Variants in POU6F2 observed in about 807,000 individuals in gnomAD.
The protein encoded by POU6F2 is POU domain, class 6, transcription factor 2.
A neutral mutation model predicts 71.3 loss-of-function variants in POU6F2; 31 were observed. That is an observed-to-expected ratio of 0.43 (90% CI 0.33 to 0.59). The LOEUF is 0.59. POU6F2 is among the 20% of genes least tolerant of loss of function. The pLI, the probability that POU6F2 is intolerant of heterozygous loss-of-function variation, is 0.04. For missense variants in POU6F2, 783 were observed against 856.8 expected, an observed-to-expected ratio of 0.91 and a Z score of 1.07; for synonymous variants, 347 against 355.7, an observed-to-expected ratio of 0.98 and a Z score of 0.27.
At chr7:39,134,943 A>G (rs113444394) in intron 2 of POU6F2, among the ~76,000 whole-genome samples, 2,159 of 152,358 alleles carry the variant, frequency 0.014, 54 homozygotes, top group African/African-American at 0.048. Context: ...AAGAAGAATG[A>G]ATAAAAATAA....
At chr7:39,061,364 T>C (rs1166077578) in intron 1 of POU6F2, among the ~76,000 whole-genome samples, 1 of 152,210 alleles carries the variant, frequency 6.6e-6, no homozygotes, top group African/African-American at 2.4e-5. Flanking sequence ...TAGTCTTTGA[T>C]ACAGTATCAA....
intron 5 of POU6F2, among the ~76,000 whole-genome samples, chr7:39,390,049 G>A (rs1359142798): frequency 6.6e-6 from 1 of 152,084 alleles, no homozygotes; most frequent in Non-Finnish European, 1.5e-5. Context: ...GCTACATCAG[G>A]TAGGTAGTGA....
chr7:39,036,300 C>T (rs1790062119), intron 1 of POU6F2, among the ~76,000 whole-genome samples: 1 of 152,048 alleles, frequency 6.6e-6, no homozygotes, highest in South Asian at 2.1e-4. Context: ...TTGTAACAGT[C>T]CCCAAACAAC....
chr7:39,138,880 A>G (rs1322890467), intron 2 of POU6F2, among the ~76,000 whole-genome samples: 1 of 152,152 alleles, frequency 6.6e-6, no homozygotes, highest in Admixed American at 6.5e-5. Flanking sequence ...TCATGGAGTC[A>G]TAATTTGACT....
intron 1 of POU6F2, among the ~76,000 whole-genome samples, chr7:39,014,996 T>C (rs1789433633): frequency 6.6e-6 from 1 of 152,094 alleles, no homozygotes; most frequent in African/African-American, 2.4e-5. Context: ...CCATAAATGA[T>C]CGTCTTCCTC....
chr7:39,036,985 A>G (rs1171227078), intron 1 of POU6F2, among the ~76,000 whole-genome samples: 1 of 151,932 alleles, frequency 6.6e-6, no homozygotes, highest in East Asian at 1.9e-4. Flanking sequence ...TTGTATACAG[A>G]CTATTTCATC....
At chr7:39,014,588 T>C (rs1332265965) in intron 1 of POU6F2, among the ~76,000 whole-genome samples, 1 of 152,234 alleles carries the variant, frequency 6.6e-6, no homozygotes, top group Non-Finnish European at 1.5e-5. Context: ...TTGTGAAATA[T>C]GTGTGGAATC....
At chr7:39,420,216 G>A (rs1049777139) in intron 6 of POU6F2, among the ~76,000 whole-genome samples, 4 of 152,178 alleles carry the variant, frequency 2.6e-5, no homozygotes, top group African/African-American at 9.7e-5. Flanking sequence ...CTTTATATGA[G>A]GATCTTCTCA....
intron 7 of POU6F2, among the ~76,000 whole-genome samples, chr7:39,441,609 T>C (rs972333451): frequency 4.6e-5 from 7 of 152,204 alleles, no homozygotes; most frequent in African/African-American, 1.7e-4. Flanking sequence ...AGCATCCAAG[T>C]ATTTCAAAAA....
rs1163344813 is a variant in POU6F2 at position 39,015,838 on chromosome 7, ATATAT to A, written c.105+37786_105+37790del. ...GGTATATATTATATATAGATATATAATATATTATATATAGATATATATAATATATT... is the reference window on the plus strand; with the variant it reads ...GGTATATATTATATATAGATATATAATATATATAGATATATATAATATATT... On this transcript the variant is annotated intron_variant, in intron 1 of 9. Coordinates refer to ENST00000518318, the MANE Select transcript of POU6F2 (RefSeq NM_001370959.1). Among the ~76,000 whole-genome samples, 88 of 36,340 alleles carry A rather than the reference ATATAT, an allele frequency of 2.4e-3. 7 individuals carry two copies. The highest frequency in any genetic ancestry group is 3.5e-3 in the African/African-American group (44 of 12,680). The allele number at this position is 36,340 out of a possible 152,430, so 23.8% of individuals were successfully genotyped here.
chr7:39,274,801 A>G, intron 4 of POU6F2, among the ~76,000 whole-genome samples: 2 of 141,666 alleles, frequency 1.4e-5, no homozygotes, highest in Non-Finnish European at 3.1e-5. Flanking sequence ...GACAAAAACC[A>G]CATGATTATC....
intron 4 of POU6F2, among the ~76,000 whole-genome samples, chr7:39,251,722 C>A (rs561307945): frequency 6.6e-6 from 1 of 152,304 alleles, no homozygotes; most frequent in South Asian, 2.1e-4. Context: ...CTGTAGCATC[C>A]TGGGAGATGT....
chr7:39,209,898 GT>G (rs1160856388), intron 4 of POU6F2, among the ~76,000 whole-genome samples: 1 of 152,194 alleles, frequency 6.6e-6, no homozygotes, highest in East Asian at 1.9e-4. Flanking sequence ...GACTGAGCTA[GT>G]CTTCAGGATG....
At position 39,123,406 on chromosome 7, in the gene POU6F2, G is replaced by T. The variant is rs1792083616; in HGVS notation, c.277+37375G>T. On this transcript the variant is annotated intron_variant, in intron 2 of 9. Coordinates refer to ENST00000518318, the MANE Select transcript of POU6F2 (RefSeq NM_001370959.1). ...AACCAAGGAATCAAACATTCAGAAAGTTGGTGAGAAATAGAACATGTGTTT... is the reference window on the plus strand; with the variant it reads ...AACCAAGGAATCAAACATTCAGAAATTTGGTGAGAAATAGAACATGTGTTT... 2.0e-5 allele frequency among the ~76,000 whole-genome samples: 3 copies of T among 152,158 alleles called. No individual in the cohort carries two copies. The East Asian group carries it at 5.8e-4, about 29-fold the overall frequency.
chr7:39,060,566 A>G (rs1036171250), intron 1 of POU6F2, among the ~76,000 whole-genome samples: 3 of 152,222 alleles, frequency 2.0e-5, no homozygotes, highest in Admixed American at 6.5e-5. Context: ...CCACCTATGT[A>G]TTGTCCGAGT....
At chr7:39,299,139 G>A (rs936213245) in intron 4 of POU6F2, among the ~76,000 whole-genome samples, 2 of 152,054 alleles carry the variant, frequency 1.3e-5, no homozygotes, top group East Asian at 3.8e-4. Flanking sequence ...AAACCTGCAC[G>A]TTCTGCACAT....
intron 1 of POU6F2, among the ~76,000 whole-genome samples, chr7:38,981,628 C>T (rs1788318655): frequency 6.6e-6 from 1 of 152,180 alleles, no homozygotes; most frequent in Admixed American, 6.5e-5. Flanking sequence ...CATGGATGCA[C>T]TTCCAGTTGA....
intron 1 of POU6F2, among the ~76,000 whole-genome samples, chr7:39,073,680 A>G (rs1790937199): frequency 1.3e-5 from 2 of 152,246 alleles, no homozygotes; most frequent in Admixed American, 6.5e-5. Context: ...GAACGAGAGG[A>G]AAACTCCATA....
chr7:39,294,887 A>T (rs111838907), intron 4 of POU6F2, among the ~76,000 whole-genome samples: 3 of 152,172 alleles, frequency 2.0e-5, no homozygotes, highest in Admixed American at 2.0e-4. Flanking sequence ...AGCCCACAAC[A>T]TGAGAACATT....
Sources: gnomAD v4.1 joint callset for allele counts (sites outside exome capture counted in the v4.1 genomes callset) on GRCh38, gnomAD v4.1.1 for gene constraint, MANE v1.5 for transcripts, NCBI Gene and HGNC (gene_info 2026-07-23, HGNC 2026-07-21) for gene names.